Variants in ERBB4 observed in about 807,000 individuals in gnomAD.
ERBB4 encodes receptor tyrosine-protein kinase erbB-4.
In ERBB4, 42 loss-of-function variants were observed where a neutral mutation model predicts 158.0. That is an observed-to-expected ratio of 0.27 (90% CI 0.21 to 0.34). ERBB4 has a LOEUF of 0.34. Ranked by LOEUF, ERBB4 falls within the 10% of genes least tolerant of loss-of-function variation. The pLI is 1.00. For missense variants in ERBB4, 1,333 were observed against 1,624.1 expected (o/e 0.82, Z 3.08); for synonymous variants, 583 against 558.7 (o/e 1.04, Z -0.61).
chr2:211,778,741 G>A (rs940662016), intron 4 of ERBB4: 5 of 152,256 alleles, frequency 3.3e-5, no homozygotes, highest in African/African-American at 1.2e-4. Context: ...TTCTATTTTA[G>A]GGGCCATTAA....
At chr2:212,281,781 A>C (rs1221322595) in intron 1 of ERBB4, among the ~76,000 whole-genome samples, 1 of 151,754 alleles carries the variant, frequency 6.6e-6, no homozygotes, top group Admixed American at 6.6e-5. Context: ...CATCTACTTA[A>C]ATTCTGAGCC....
chr2:212,318,737 C>A (rs2087415077), intron 1 of ERBB4, among the ~76,000 whole-genome samples: 2 of 151,590 alleles, frequency 1.3e-5, no homozygotes, highest in Admixed American at 6.6e-5. Context: ...GGTAAATCTA[C>A]TGAACAGAAT....
chr2:212,256,654 TTA>T (rs545189803), intron 1 of ERBB4, among the ~76,000 whole-genome samples: 16 of 152,262 alleles, frequency 1.1e-4, no homozygotes, highest in African/African-American at 3.8e-4. Flanking sequence ...CATCCTTAAA[TTA>T]TAGGTAAAAC....
intron 1 of ERBB4, among the ~76,000 whole-genome samples, chr2:212,299,545 T>C (rs1385554758): frequency 1.3e-5 from 2 of 151,676 alleles, no homozygotes; most frequent in African/African-American, 4.8e-5. Context: ...TCCTAGGTGC[T>C]GTGAAACCTT....
chr2:212,068,889 C>T (rs1450038230), intron 2 of ERBB4, among the ~76,000 whole-genome samples: 1 of 152,004 alleles, frequency 6.6e-6, no homozygotes, highest in East Asian at 1.9e-4. Flanking sequence ...GGGAAAGTAT[C>T]TATACACTTT....
intron 20 of ERBB4, among the ~76,000 whole-genome samples, chr2:211,557,562 A>G (rs538259904): frequency 1.3e-4 from 20 of 152,114 alleles, no homozygotes; most frequent in Non-Finnish European, 2.1e-4. Flanking sequence ...AACCACAAAA[A>G]GATACCATTT....
chr2:212,535,868 G>A (rs1163932540), intron 1 of ERBB4, among the ~76,000 whole-genome samples: 1 of 151,944 alleles, frequency 6.6e-6, no homozygotes. Flanking sequence ...AGCATCCCCC[G>A]CCCTATATTT....
intron 20 of ERBB4, among the ~76,000 whole-genome samples, chr2:211,507,385 A>G (rs1334275674): frequency 2.6e-5 from 4 of 152,114 alleles, no homozygotes; most frequent in African/African-American, 4.8e-5. Flanking sequence ...CCTGAAACCC[A>G]TATCAGGCAA....
chr2:211,976,552 AGCTTCACT>A (rs2081610583), intron 2 of ERBB4, among the ~76,000 whole-genome samples: 2 of 152,186 alleles, frequency 1.3e-5, no homozygotes. Context: ...AGCCATTCAC[AGCTTCACT>A]GCTATGAAAT....
chr2:212,054,609 G>C (rs1430223671), intron 2 of ERBB4, among the ~76,000 whole-genome samples: 1 of 152,156 alleles, frequency 6.6e-6, no homozygotes, highest in East Asian at 1.9e-4. Flanking sequence ...AGAAACTCTT[G>C]TGCTTCCATT....
chr2:211,413,191 T>A (rs1028870387), intron 25 of ERBB4, among the ~76,000 whole-genome samples: 2 of 150,708 alleles, frequency 1.3e-5, no homozygotes, highest in African/African-American at 4.9e-5. Flanking sequence ...TAGTCTTAGC[T>A]ATTCAGGAGG....
At chr2:211,928,714 A>G (rs563519529) in intron 3 of ERBB4, among the ~76,000 whole-genome samples, 39 of 152,344 alleles carry the variant, frequency 2.6e-4, no homozygotes, top group African/African-American at 8.9e-4. Flanking sequence ...CGATATGAAT[A>G]TAGCATCAAA....
chr2:212,378,698 T>C (rs563135924), intron 1 of ERBB4, among the ~76,000 whole-genome samples: 1 of 152,022 alleles, frequency 6.6e-6, no homozygotes, highest in African/African-American at 2.4e-5. Flanking sequence ...AATATTTCTC[T>C]GAAGTTTGGT....
rs978165313 is a variant in ERBB4 at position 211,870,569 on chromosome 2, G to A, written c.421+76861C>T. Reference sequence around the variant, plus strand: ...AAATTCTAATCTCAAGCAGTGATATGTTCTAATAGACCATAAATCACTAGC... The same window carrying A: ...AAATTCTAATCTCAAGCAGTGATATATTCTAATAGACCATAAATCACTAGC... On this transcript the variant is annotated intron_variant, in intron 3 of 27. Coordinates refer to ENST00000342788, the MANE Select transcript of ERBB4 (RefSeq NM_005235.3). 6.6e-5 allele frequency among the ~76,000 whole-genome samples: 10 copies of A among 152,164 alleles called. No homozygotes were observed. In the East Asian group the frequency reaches 1.7e-3, roughly 26 times the overall value.
chr2:211,875,853 T>A (rs571729112), intron 3 of ERBB4, among the ~76,000 whole-genome samples: 2 of 152,322 alleles, frequency 1.3e-5, no homozygotes, highest in South Asian at 2.1e-4. Context: ...ATACATTTTG[T>A]TACAATTGCT....
At chr2:211,742,821 T>C (rs1045343155) in intron 5 of ERBB4, among the ~76,000 whole-genome samples, 7 of 151,898 alleles carry the variant, frequency 4.6e-5, no homozygotes, top group African/African-American at 9.7e-5. Flanking sequence ...TTAACAATTA[T>C]CTACAAGAAA....
intron 3 of ERBB4, among the ~76,000 whole-genome samples, chr2:211,941,714 C>G (rs1575411151): frequency 1.0e-5 from 1 of 95,322 alleles, no homozygotes; most frequent in Admixed American, 1.2e-4. Flanking sequence ...AAATTTGGAA[C>G]ACTTTTTTTT....
chr2:212,513,718 A>C (rs546667778), intron 1 of ERBB4, among the ~76,000 whole-genome samples: 1 of 152,286 alleles, frequency 6.6e-6, no homozygotes, highest in South Asian at 2.1e-4. Flanking sequence ...AGGCTGAGGC[A>C]GGAGAATGGC....
intron 14 of ERBB4, among the ~76,000 whole-genome samples, chr2:211,671,697 C>A (rs757687490): frequency 6.6e-6 from 1 of 152,118 alleles, no homozygotes; most frequent in African/African-American, 2.4e-5. Context: ...AAGTTTCAGT[C>A]TCTCAGAAAG....
Sources: allele counts gnomAD v4.1 joint callset (sites outside exome capture counted in the v4.1 genomes callset), GRCh38; gene constraint gnomAD v4.1.1; transcripts MANE v1.5; gene names NCBI Gene and HGNC (gene_info 2026-07-23, HGNC 2026-07-21).